The following ITFG1 variants were observed in gnomAD, a reference collection of about 807,000 sequenced individuals.
ITFG1 encodes integrin alpha FG-GAP repeat containing 1.
Under a neutral mutation model 81.8 loss-of-function variants are expected in ITFG1, and 34 were observed. The observed-to-expected ratio is 0.42, with a 90% confidence interval of 0.32 to 0.55. The LOEUF is 0.55. Among genes scored for constraint, ITFG1 ranks in the 20% least tolerant of loss-of-function variants. The pLI, the probability that ITFG1 is intolerant of heterozygous loss-of-function variation, is 0.17. For missense variants in ITFG1, 672 were observed against 755.4 expected (o/e 0.89, Z 1.29); for synonymous variants, 285 against 270.6 (o/e 1.05, Z -0.52).
intron 8 of ITFG1, among the ~76,000 whole-genome samples, chr16:47,326,507 T>A (rs569617593): frequency 2.0e-5 from 3 of 152,288 alleles, no homozygotes; most frequent in African/African-American, 7.2e-5. Flanking sequence ...TAAAGGGCAT[T>A]CAATTAGGAA....
intron 14 of ITFG1, among the ~76,000 whole-genome samples, chr16:47,172,562 T>C (rs1344095180): frequency 2.0e-5 from 3 of 152,132 alleles, no homozygotes; most frequent in Non-Finnish European, 2.9e-5. Context: ...ATCTCAGTTA[T>C]GGCCATTCCA....
At chr16:47,257,198 C>T (rs1323116020) in intron 12 of ITFG1, among the ~76,000 whole-genome samples, 3 of 152,156 alleles carry the variant, frequency 2.0e-5, no homozygotes, top group Non-Finnish European at 4.4e-5. Context: ...AAAATTATCT[C>T]TCTTTGCAGA....
At chr16:47,255,675 T>C (rs1966130779) in intron 12 of ITFG1, among the ~76,000 whole-genome samples, 3 of 152,220 alleles carry the variant, frequency 2.0e-5, no homozygotes, top group Non-Finnish European at 2.9e-5. Context: ...CATAAATTTA[T>C]TGAATGTCTC....
rs1000629772 is a variant in ITFG1, at chr16:47,461,022, C to T, written c.24G>A (p.Pro8=). 101 of 1,544,194 alleles carry T rather than the reference C, an allele frequency of 6.5e-5. No homozygotes were observed. Among genetic ancestry groups the T allele is most frequent in the Non-Finnish European group, 8.7e-5 (100 of 1,146,766 alleles). ...GCGGCGAGAAGAGGGCCCAGGAGCT[C>T]GGGAGCCGGCCCGCCGCCGCCATGG... is the stretch of plus-strand genomic sequence containing the variant. MAAAGRL[P]SSWALFSPLL... is the part of the protein sequence containing the mutation. The change falls in exon 1 of 18, where the codon CCG becomes CCA. Residue 8 remains proline, a synonymous_variant. Coordinates refer to ENST00000320640, the MANE Select transcript of ITFG1 (RefSeq NM_030790.5).
intron 12 of ITFG1, among the ~76,000 whole-genome samples, chr16:47,252,014 T>A (rs1274974779): frequency 6.6e-6 from 1 of 152,158 alleles, no homozygotes; most frequent in Non-Finnish European, 1.5e-5. Context: ...ATAGCGAACT[T>A]AGTGTTAACA....
chr16:47,414,444 T>G (rs969677796), intron 6 of ITFG1, among the ~76,000 whole-genome samples: 2 of 151,964 alleles, frequency 1.3e-5, no homozygotes, highest in African/African-American at 4.8e-5. Context: ...GAGAATTGCC[T>G]GAACCTGGGA....
At chr16:47,303,237 C>T (rs952352513) in intron 10 of ITFG1, among the ~76,000 whole-genome samples, 20 of 151,996 alleles carry the variant, frequency 1.3e-4, no homozygotes, top group African/African-American at 4.8e-4. Flanking sequence ...CACCACTGCA[C>T]TCCAGCCTGG....
rs1276729698 is a variant in ITFG1 at position 47,461,058 on chromosome 16, G to C, written c.-13C>G. On this transcript the variant is annotated 5_prime_UTR_variant, in exon 1 of 18. Transcript: ENST00000320640. ...CCGCCGCCGCCATGGCAGCCCCTCA[G>C]CCCCCGCCCGCCGGCCCAACGCCGC... The C allele has an allele frequency of 2.6e-6, 4 of 1,519,392 alleles. No individual in the cohort carries two copies. The Admixed American group carries it at 6.4e-5, about 24-fold the overall frequency. 94.1% of individuals were successfully genotyped at this position (1,519,392 alleles called of 1,614,324 possible).
At chr16:47,294,966 T>C (rs1596867749) in intron 10 of ITFG1, among the ~76,000 whole-genome samples, 1 of 152,160 alleles carries the variant, frequency 6.6e-6, no homozygotes, top group South Asian at 2.1e-4. Context: ...CTTTCAATGT[T>C]TCCACATTCA....
At chr16:47,325,937 C>G (rs896608822) in intron 8 of ITFG1, among the ~76,000 whole-genome samples, 1 of 152,128 alleles carries the variant, frequency 6.6e-6, no homozygotes, top group South Asian at 2.1e-4. Context: ...CTACTCCAAT[C>G]AACACAAAAA....
At chr16:47,350,629 T>A (rs1326073404) in intron 8 of ITFG1, among the ~76,000 whole-genome samples, 5 of 152,102 alleles carry the variant, frequency 3.3e-5, no homozygotes, top group South Asian at 4.1e-4. Context: ...GAATTCTACC[T>A]GAGGTACAAG....
At chr16:47,371,304 A>C (rs747512060) in intron 7 of ITFG1, among the ~76,000 whole-genome samples, 2 of 152,208 alleles carry the variant, frequency 1.3e-5, no homozygotes, top group Non-Finnish European at 2.9e-5. Context: ...TTTTGTGAGG[A>C]TTAAGGAGAT....
At chr16:47,437,236 T>C (rs1205711949) in intron 5 of ITFG1, among the ~76,000 whole-genome samples, 2 of 151,852 alleles carry the variant, frequency 1.3e-5, no homozygotes, top group Admixed American at 6.6e-5. Context: ...GAGGCTGAGG[T>C]GGGAGGATTA....
intron 7 of ITFG1, among the ~76,000 whole-genome samples, chr16:47,373,848 T>G (rs1195696434): frequency 1.3e-5 from 2 of 152,164 alleles, no homozygotes; most frequent in East Asian, 3.8e-4. Flanking sequence ...GGTTTTGAGG[T>G]TTTTTTGGCA....
At chr16:47,196,688 G>C (rs112803489) in intron 14 of ITFG1, 10,603 of 152,294 alleles carry the variant, frequency 0.07, 603 homozygotes, top group African/African-American at 0.15. Flanking sequence ...CAGGTGCCAT[G>C]GCTCACGCCT....
chr16:47,371,846 G>A (rs909571897), intron 7 of ITFG1, among the ~76,000 whole-genome samples: 3 of 151,882 alleles, frequency 2.0e-5, no homozygotes, highest in Non-Finnish European at 4.4e-5. Context: ...GGCTCAAAAT[G>A]GTGATGTGCC....
At chr16:47,267,334 T>C (rs1183073897) in intron 10 of ITFG1, among the ~76,000 whole-genome samples, 7 of 152,166 alleles carry the variant, frequency 4.6e-5, no homozygotes, top group Non-Finnish European at 1.0e-4. Flanking sequence ...AGAGAGTCAT[T>C]TCATATAAAA....
intron 12 of ITFG1, among the ~76,000 whole-genome samples, chr16:47,243,726 T>C (rs888499578): frequency 6.6e-6 from 1 of 152,186 alleles, no homozygotes; most frequent in Non-Finnish European, 1.5e-5. Flanking sequence ...CATGCAAATA[T>C]GTTTCATAAA....
chr16:47,433,046 G>A (rs185758111), intron 5 of ITFG1, among the ~76,000 whole-genome samples: 1 of 152,294 alleles, frequency 6.6e-6, no homozygotes, highest in African/African-American at 2.4e-5. Context: ...TCTCTAACCT[G>A]AGCAGTTACT....
Sources: gnomAD v4.1 joint callset for allele counts (sites outside exome capture counted in the v4.1 genomes callset) on GRCh38, gnomAD v4.1.1 for gene constraint, MANE v1.5 for transcripts, NCBI Gene and HGNC (gene_info 2026-07-23, HGNC 2026-07-21) for gene names.